Variants in NDUFAF6 observed in about 807,000 individuals in gnomAD.
The protein encoded by NDUFAF6 is NADH dehydrogenase (ubiquinone) complex I, assembly factor 6.
Under a neutral mutation model 40.8 loss-of-function variants are expected in NDUFAF6, and 45 were observed. That is an observed-to-expected ratio of 1.10 (90% confidence interval 0.87 to 1.42). The LOEUF is 1.42. Ranked by LOEUF, NDUFAF6 falls within the 40% of genes most tolerant of loss-of-function variation. NDUFAF6 has a pLI of 0.00. For missense variants in NDUFAF6, 435 were observed against 418.5 expected, an observed-to-expected ratio of 1.04 and a Z score of -0.34; for synonymous variants, 185 against 155.9, an observed-to-expected ratio of 1.19 and a Z score of -1.39.
chr8:95,001,733 C>G (rs559558513), intron 2 of NDUFAF6, among the ~76,000 whole-genome samples: 1 of 152,292 alleles, frequency 6.6e-6, no homozygotes, highest in South Asian at 2.1e-4. Context: ...ACCTCTGAAG[C>G]AGGCTGAAGA....
intron 1 of NDUFAF6, chr8:94,926,028 GC>G (rs1456616786): frequency 6.6e-6 from 1 of 152,590 alleles, no homozygotes; most frequent in Non-Finnish European, 1.5e-5. Context: ...TCCAGGTAGT[GC>G]AAAATGCACC....
At chr8:94,940,756 T>G in intron 1 of NDUFAF6, 1 of 1,151,592 alleles carries the variant, frequency 8.7e-7, no homozygotes, top group Non-Finnish European at 1.3e-6. Flanking sequence ...ATTGGTTTCC[T>G]TATGCAAAAA....
intron 7 of NDUFAF6, among the ~76,000 whole-genome samples, chr8:95,051,527 A>G (rs940652150): frequency 1.3e-5 from 2 of 152,158 alleles, no homozygotes; most frequent in Non-Finnish European, 2.9e-5. Flanking sequence ...GACAATATAA[A>G]TGAAGACATG....
At chr8:94,959,867 C>T (rs1823418758) in intron 1 of NDUFAF6, among the ~76,000 whole-genome samples, 1 of 152,154 alleles carries the variant, frequency 6.6e-6, no homozygotes, top group African/African-American at 2.4e-5. Context: ...CTGACCTTGG[C>T]TTTGGGTCCC....
intron 2 of NDUFAF6, among the ~76,000 whole-genome samples, chr8:95,091,620 G>GA (rs1429342112): frequency 6.6e-6 from 1 of 151,580 alleles, no homozygotes; most frequent in African/African-American, 2.4e-5. Context: ...TCAAGCAGAA[G>GA]AAAATAACTC....
chr8:95,107,970 T>C (rs1809889501), downstream of NDUFAF6, among the ~76,000 whole-genome samples: 1 of 152,172 alleles, frequency 6.6e-6, no homozygotes, highest in Admixed American at 6.6e-5. Flanking sequence ...TGGCAAGTCC[T>C]CCCACCCAAA....
At chr8:94,914,085 C>T (rs978550392) in intron 1 of NDUFAF6, among the ~76,000 whole-genome samples, 17 of 149,886 alleles carry the variant, frequency 1.1e-4, no homozygotes, top group African/African-American at 2.9e-4. Flanking sequence ...CCACCGCGCC[C>T]GGCCTGAGAC....
intron 1 of NDUFAF6, among the ~76,000 whole-genome samples, chr8:94,978,848 A>G (rs1349132919): frequency 6.6e-6 from 1 of 152,210 alleles, no homozygotes; most frequent in Non-Finnish European, 1.5e-5. Flanking sequence ...CTAGGGACTC[A>G]CTACCTGCAG....
chr8:94,931,845 G>A (rs1405996256), intron 1 of NDUFAF6, among the ~76,000 whole-genome samples: 2 of 152,024 alleles, frequency 1.3e-5, no homozygotes, highest in African/African-American at 4.8e-5. Context: ...GGTGATGCAA[G>A]CCTGTAATCC....
upstream of NDUFAF6, among the ~76,000 whole-genome samples, chr8:95,023,564 T>A (rs567350784): frequency 7.2e-5 from 11 of 152,290 alleles, no homozygotes; most frequent in East Asian, 1.7e-3. Context: ...AGAACCAGTC[T>A]GGCCATAGCA....
chr8:95,050,310 G>T (rs993392250), intron 7 of NDUFAF6, among the ~76,000 whole-genome samples: 2 of 152,242 alleles, frequency 1.3e-5, no homozygotes, highest in African/African-American at 2.4e-5. Context: ...ACCACTGGTG[G>T]TGTATGGGTT....
chr8:94,944,084 A>G (rs1026457408), intron 1 of NDUFAF6, among the ~76,000 whole-genome samples: 11 of 152,246 alleles, frequency 7.2e-5, no homozygotes, highest in Non-Finnish European at 1.5e-4. Context: ...CATTTATTTT[A>G]AATTGTGGAG....
intron 1 of NDUFAF6, among the ~76,000 whole-genome samples, chr8:94,905,336 T>C (rs550340884): frequency 1.4e-4 from 21 of 152,002 alleles, no homozygotes; most frequent in African/African-American, 5.1e-4. Flanking sequence ...TTAAAAATCA[T>C]TTATTTTTTG....
downstream of NDUFAF6, among the ~76,000 whole-genome samples, chr8:95,078,953 T>G (rs960731141): frequency 9.2e-5 from 14 of 152,090 alleles, no homozygotes; most frequent in Non-Finnish European, 1.9e-4. Flanking sequence ...GTTTGTCTAC[T>G]CACCTATTGA....
rs147214506 is a variant in NDUFAF6 at position 94,944,808 on chromosome 8, C to G, written c.-935-675C>G. Reference sequence around the variant, plus strand: ...TAAATTGGCCCTTCTGAGCTTCAGTCTCACTGTTGGGAAAATGGGGAGACT... The same window carrying G: ...TAAATTGGCCCTTCTGAGCTTCAGTGTCACTGTTGGGAAAATGGGGAGACT... On this transcript the variant is annotated intron_variant, in intron 1 of 14. Transcript: ENST00000396113. 7.1e-3 allele frequency among the ~76,000 whole-genome samples: 1,082 copies of G among 152,324 alleles called. 12 individuals carry two copies. The highest frequency in any genetic ancestry group is 0.024 in the African/African-American group (998 of 41,566).
At chr8:95,094,271 C>G (rs1809364215) in intron 2 of NDUFAF6, among the ~76,000 whole-genome samples, 1 of 152,150 alleles carries the variant, frequency 6.6e-6, no homozygotes, top group Non-Finnish European at 1.5e-5. Flanking sequence ...CACACCCGAC[C>G]AAGAAATACT....
downstream of NDUFAF6, among the ~76,000 whole-genome samples, chr8:95,117,923 A>G (rs1810168721): frequency 6.6e-6 from 1 of 152,232 alleles, no homozygotes; most frequent in African/African-American, 2.4e-5. Flanking sequence ...AAACTCCCCA[A>G]AAAACTTAGT....
chr8:94,997,343 C>CAGAG (rs60911286), intron 2 of NDUFAF6, among the ~76,000 whole-genome samples: 9,014 of 89,932 alleles, frequency 0.1, 894 homozygotes, highest in East Asian at 0.18. Flanking sequence ...CACACACACA[C>CAGAG]AGAGAGAGAG....
downstream of NDUFAF6, among the ~76,000 whole-genome samples, chr8:95,076,873 CAAAAAA>C (rs35168202): frequency 7.8e-6 from 1 of 128,996 alleles, no homozygotes; most frequent in South Asian, 2.5e-4. Context: ...AACTCCGTCT[CAAAAAA>C]AAAAAAAAAA....
Sources: gnomAD v4.1 joint callset for allele counts (sites outside exome capture counted in the v4.1 genomes callset) on GRCh38, gnomAD v4.1.1 for gene constraint, MANE v1.5 for transcripts, NCBI Gene and HGNC (gene_info 2026-07-23, HGNC 2026-07-21) for gene names.